Variants in CADPS2 observed in about 807,000 individuals in gnomAD.
CADPS2 encodes the protein calcium-dependent secretion activator 2.
Under a neutral mutation model 172.5 loss-of-function variants are expected in CADPS2, and 93 were observed. That is an observed-to-expected ratio of 0.54 (90% CI 0.46 to 0.64). The LOEUF (loss-of-function observed/expected upper bound fraction) is 0.64. Ranked by LOEUF, CADPS2 falls within the 30% of genes least tolerant of loss-of-function variation. CADPS2 has a pLI of 0.00. For synonymous variants in CADPS2, 546 were observed against 555.2 expected, an observed-to-expected ratio of 0.98 and a Z score of 0.23; for missense variants, 1,420 against 1,565.9, an observed-to-expected ratio of 0.91 and a Z score of 1.57.
At chr7:122,732,619 T>C (rs1198235229) in intron 2 of CADPS2, among the ~76,000 whole-genome samples, 3 of 147,132 alleles carry the variant, frequency 2.0e-5, no homozygotes, top group Non-Finnish European at 4.5e-5. Flanking sequence ...TTCTATGTGC[T>C]ATTTTCTTGG....
At chr7:122,586,208 T>A (rs935602160) in intron 6 of CADPS2, among the ~76,000 whole-genome samples, 1 of 152,014 alleles carries the variant, frequency 6.6e-6, no homozygotes, top group African/African-American at 2.4e-5. Context: ...GTACCTTTTA[T>A]GTGGAGATGA....
chr7:122,621,105 T>C (rs1158851437), intron 5 of CADPS2, among the ~76,000 whole-genome samples: 2 of 152,020 alleles, frequency 1.3e-5, no homozygotes, highest in African/African-American at 2.4e-5. Flanking sequence ...TCTCACTATG[T>C]TGCCTAGGCT....
At chr7:122,833,034 A>G (rs1206290039) in intron 1 of CADPS2, among the ~76,000 whole-genome samples, 2 of 152,206 alleles carry the variant, frequency 1.3e-5, no homozygotes, top group Non-Finnish European at 2.9e-5. Context: ...GTGAGAAACA[A>G]TCATCTAGGG....
In CADPS2 at chr7:122,319,962, CAAA is replaced by C; in HGVS notation, c.*200_*202del. 2.2e-6 allele frequency: 1 copy of C among 458,360 alleles called. No individual in the cohort carries two copies. The highest frequency in any genetic ancestry group is 3.6e-6 in the Non-Finnish European group (1 of 277,250). The allele number at this position is 458,360 out of a possible 1,614,324, so 28.4% of individuals were successfully genotyped here. ...GCTCTTCTCCAAAAAAACAAACAAA[CAAA>C]CAAACAAAAAAAGGAAACAAAAAAA... On this transcript the variant is annotated 3_prime_UTR_variant, in exon 30 of 30. Transcript: ENST00000449022.
chr7:122,802,398 G>T (rs1280914467), intron 1 of CADPS2, among the ~76,000 whole-genome samples: 1 of 152,168 alleles, frequency 6.6e-6, no homozygotes, highest in African/African-American at 2.4e-5. Flanking sequence ...CACATGCTGT[G>T]TACCTCCACT....
intron 1 of CADPS2, among the ~76,000 whole-genome samples, chr7:122,840,637 C>T (rs189524663): frequency 1.3e-5 from 2 of 151,294 alleles, no homozygotes; most frequent in Non-Finnish European, 2.9e-5. Context: ...CCAGGAGAGG[C>T]AGGCATGGTG....
At chr7:122,439,830 C>T (rs2051121782) in intron 16 of CADPS2, among the ~76,000 whole-genome samples, 3 of 152,046 alleles carry the variant, frequency 2.0e-5, no homozygotes, top group African/African-American at 7.2e-5. Flanking sequence ...GTTTCATATG[C>T]GGAACCACGA....
At chr7:122,394,722 G>A (rs902974349) in intron 20 of CADPS2, among the ~76,000 whole-genome samples, 3 of 152,154 alleles carry the variant, frequency 2.0e-5, no homozygotes, top group Admixed American at 6.5e-5. Flanking sequence ...GCCCATGGCA[G>A]GGTCTAGATC....
Position 122,527,617 on chromosome 7 carries a change from A to AGAGAGAGAGAGAGAGTGT in CADPS2, c.1476-14303_1476-14302insACACTCTCTCTCTCTCTC. Among the ~76,000 whole-genome samples the AGAGAGAGAGAGAGAGTGT allele has an allele frequency of 2.9e-3, 243 of 83,842 alleles. 3 individuals carry two copies. The highest frequency in any genetic ancestry group is 0.015 in the Middle Eastern group (2 of 134). 55.0% of individuals were successfully genotyped at this position (83,842 alleles called of 152,430 possible). On this transcript the variant is annotated intron_variant, in intron 8 of 29. Transcript: ENST00000449022. ...GAGAGAGAGAGAGAGAGAGAGAGAGAGTGTGTGTGTGTGTGTGTGTGTGTG... is the reference window on the plus strand; with the variant it reads ...GAGAGAGAGAGAGAGAGAGAGAGAGAGAGAGAGAGAGAGAGTGTGTGTGTGTGTGTGTGTGTGTGTGTG...
At chr7:122,374,085 G>A (rs1018301365) in intron 25 of CADPS2, among the ~76,000 whole-genome samples, 1 of 152,126 alleles carries the variant, frequency 6.6e-6, no homozygotes, top group African/African-American at 2.4e-5. Context: ...TAGGATCCAA[G>A]GATGTTTGAA....
rs1159112244 is a variant in CADPS2 at position 122,447,543 on chromosome 7, A to ATTTTTTTTTTTTTTTTTTTTT, written c.2288+3810_2288+3830dup. Reference sequence around the variant, plus strand: ...CCATGTTGATTTCTTGTTTCGGGGAATTTTTTTTTTTTTTTTTTTTTTTTT... The same window carrying ATTTTTTTTTTTTTTTTTTTTT: ...CCATGTTGATTTCTTGTTTCGGGGAATTTTTTTTTTTTTTTTTTTTTTTTTTTTTTTTTTTTTTTTTTTTTT... On this transcript the variant is annotated intron_variant, in intron 15 of 29. Transcript: ENST00000449022. Among the ~76,000 whole-genome samples, 220 of 89,792 alleles carry ATTTTTTTTTTTTTTTTTTTTT rather than the reference A, an allele frequency of 2.5e-3. 40 individuals carry two copies. Among genetic ancestry groups the ATTTTTTTTTTTTTTTTTTTTT allele is most frequent in the East Asian group, 9.6e-3 (25 of 2,594 alleles). The allele number at this position is 89,792 out of a possible 152,430, so 58.9% of individuals were successfully genotyped here.
intron 1 of CADPS2, among the ~76,000 whole-genome samples, chr7:122,758,777 T>C (rs2093266982): frequency 6.6e-6 from 1 of 152,110 alleles, no homozygotes; most frequent in Non-Finnish European, 1.5e-5. Context: ...ATTATTTTTC[T>C]ACCATGAAAG....
chr7:122,783,546 G>GACAC (rs1324754471), intron 1 of CADPS2, among the ~76,000 whole-genome samples: 1 of 152,146 alleles, frequency 6.6e-6, no homozygotes, highest in South Asian at 2.1e-4. Flanking sequence ...AATGTACACT[G>GACAC]ACACACAGAT....
At chr7:122,515,673 AAACCATC>A (rs2060305135) in intron 8 of CADPS2, among the ~76,000 whole-genome samples, 1 of 152,122 alleles carries the variant, frequency 6.6e-6, no homozygotes, top group Non-Finnish European at 1.5e-5. Flanking sequence ...AGTGATACAC[AAACCATC>A]AACACCACAA....
chr7:122,349,721 T>C (rs1563121793), intron 27 of CADPS2, among the ~76,000 whole-genome samples: 1 of 152,196 alleles, frequency 6.6e-6, no homozygotes, highest in Admixed American at 6.5e-5. Flanking sequence ...CGTTAATCAC[T>C]AGTTAACCTA....
chr7:122,407,765 C>A, intron 19 of CADPS2, 69 bp from the exon 20 acceptor site: 1 of 1,337,242 alleles, frequency 7.5e-7, no homozygotes, highest in South Asian at 1.3e-5. Flanking sequence ...AGTACTGTGC[C>A]AGTTGAAAAT....
At chr7:122,859,166 T>G (rs1816208707) in intron 1 of CADPS2, among the ~76,000 whole-genome samples, 2 of 152,216 alleles carry the variant, frequency 1.3e-5, no homozygotes. Flanking sequence ...ATATTTTCAA[T>G]TTCACTGGGT....
At chr7:122,633,516 G>C (rs1296421884) in intron 3 of CADPS2, among the ~76,000 whole-genome samples, 2 of 152,092 alleles carry the variant, frequency 1.3e-5, no homozygotes, top group South Asian at 4.1e-4. Context: ...CTGATGTATA[G>C]AAGTTCTATT....
At chr7:122,617,212 C>T (rs990259149) in intron 5 of CADPS2, among the ~76,000 whole-genome samples, 9 of 152,108 alleles carry the variant, frequency 5.9e-5, no homozygotes, top group African/African-American at 1.9e-4. Flanking sequence ...ACAATACTTC[C>T]AACTGTGCTG....
Sources: gnomAD v4.1 joint callset for allele counts (sites outside exome capture counted in the v4.1 genomes callset) on GRCh38, gnomAD v4.1.1 for gene constraint, MANE v1.5 for transcripts, NCBI Gene and HGNC (gene_info 2026-07-23, HGNC 2026-07-21) for gene names.